CACNA2D1: variants seen among roughly 807,000 people sequenced by gnomAD.
CACNA2D1 encodes voltage-dependent calcium channel subunit alpha-2/delta-1.
A neutral mutation model predicts 171.5 loss-of-function variants in CACNA2D1; 53 were observed. That is an observed-to-expected ratio of 0.31 (90% CI 0.25 to 0.39). The LOEUF is 0.39. CACNA2D1 is among the 10% of genes least tolerant of loss of function. CACNA2D1 has a pLI of 1.00. For missense variants in CACNA2D1, 903 were observed against 1,299.8 expected (o/e 0.69, Z 4.69); for synonymous variants, 442 against 443.1 (o/e 1.00, Z 0.03).
chr7:82,320,234 G>A (rs549207603), intron 3 of CACNA2D1, among the ~76,000 whole-genome samples: 50 of 152,112 alleles, frequency 3.3e-4, no homozygotes, highest in African/African-American at 1.2e-3. Context: ...TTAAAATTAA[G>A]TCCTACTTAC....
intron 3 of CACNA2D1, among the ~76,000 whole-genome samples, chr7:82,315,245 A>C (rs376697710): frequency 1.3e-4 from 20 of 152,236 alleles, no homozygotes; most frequent in African/African-American, 4.1e-4. Flanking sequence ...GTGTAGAGAT[A>C]CAGTGCATCT....
At chr7:82,185,357 G>A (rs901812083) in intron 3 of CACNA2D1, among the ~76,000 whole-genome samples, 4 of 149,818 alleles carry the variant, frequency 2.7e-5, no homozygotes, top group African/African-American at 9.9e-5. Flanking sequence ...TTAGGGCTGT[G>A]TGGCAGAAAG....
rs139982314 is a variant in CACNA2D1, at chr7:82,178,461, T to C, written c.295-7852A>G. On this transcript the variant is annotated intron_variant, in intron 3 of 38. Transcript: ENST00000356860. ...TCCAAATGAATATAATTTGCAGCTC[T>C]ACGTTTTGCCACCTGCAATGAATTA... Among the ~76,000 whole-genome samples the C allele has an allele frequency of 7.4e-3, 1,122 of 152,218 alleles. 12 individuals carry two copies. The highest frequency in any genetic ancestry group is 0.025 in the African/African-American group (1,048 of 41,526).
intron 21 of CACNA2D1, 22 bp from the exon 22 acceptor site, chr7:81,984,733 C>T: frequency 7.8e-7 from 1 of 1,279,986 alleles, no homozygotes; most frequent in South Asian, 1.3e-5. Flanking sequence ...ACAAGAGAAG[C>T]ATAAACACAA....
intron 1 of CACNA2D1, among the ~76,000 whole-genome samples, chr7:82,441,264 A>G (rs953305751): frequency 2.0e-5 from 3 of 152,110 alleles, no homozygotes; most frequent in Admixed American, 2.0e-4. Flanking sequence ...CTCAGAAGAC[A>G]GTGTTACTAA....
At chr7:82,188,683 G>T (rs1475204698) in intron 3 of CACNA2D1, among the ~76,000 whole-genome samples, 2 of 152,186 alleles carry the variant, frequency 1.3e-5, no homozygotes. Flanking sequence ...ATACCCAAAG[G>T]AATAGAAATC....
Position 82,303,032 on chromosome 7 carries a change from C to T in CACNA2D1, c.294+32103G>A, listed in dbSNP as rs183439501. ...TTTTTGAGACAGAGTCTCCCTCTGT[C>T]GCCCAGGCTGGAGTGCAGTGGTGCG... is the stretch of plus-strand genomic sequence containing the variant. On this transcript the variant is annotated intron_variant, in intron 3 of 38. Transcript: ENST00000356860. Among the ~76,000 whole-genome samples the T allele has an allele frequency of 1.2e-4, 18 of 152,026 alleles. No individual in the cohort carries two copies. The East Asian group carries it at 2.2e-3, about 18-fold the overall frequency.
intron 4 of CACNA2D1, among the ~76,000 whole-genome samples, chr7:82,139,211 TACTAG>T (rs1439707289): frequency 6.6e-5 from 10 of 152,214 alleles, no homozygotes; most frequent in Non-Finnish European, 1.3e-4. Context: ...TGGTCCATGG[TACTAG>T]AATTAATGAT....
chr7:82,282,689 T>C (rs1461436921), intron 3 of CACNA2D1, among the ~76,000 whole-genome samples: 2 of 111,874 alleles, frequency 1.8e-5, no homozygotes, highest in East Asian at 2.6e-4. Flanking sequence ...GTTGTGTAAA[T>C]AAAATTGTAA....
intron 16 of CACNA2D1, among the ~76,000 whole-genome samples, chr7:82,006,655 G>A (rs1455910018): frequency 6.6e-6 from 1 of 152,074 alleles, no homozygotes; most frequent in Non-Finnish European, 1.5e-5. Flanking sequence ...ACCAATCCTA[G>A]TCTGAGCAAA....
At chr7:82,004,506 A>G (rs1484973823) in intron 18 of CACNA2D1, among the ~76,000 whole-genome samples, 1 of 151,868 alleles carries the variant, frequency 6.6e-6, no homozygotes, top group African/African-American at 2.4e-5. Context: ...TTCAATATCA[A>G]TAGTTCTCTT....
chr7:81,983,950 G>A (rs1796695456), intron 22 of CACNA2D1, among the ~76,000 whole-genome samples: 1 of 152,102 alleles, frequency 6.6e-6, no homozygotes, highest in African/African-American at 2.4e-5. Context: ...TCGGCAGTGT[G>A]CAAAGGATAT....
At chr7:82,111,168 A>C (rs1224495177) in intron 6 of CACNA2D1, among the ~76,000 whole-genome samples, 1 of 150,896 alleles carries the variant, frequency 6.6e-6, no homozygotes, top group Non-Finnish European at 1.5e-5. Flanking sequence ...ATAAAATTTC[A>C]CTTGATGATT....
intron 3 of CACNA2D1, among the ~76,000 whole-genome samples, chr7:82,291,178 TTCTATATCGATATAGAA>T (rs1319075602): frequency 8.0e-6 from 1 of 124,672 alleles, no homozygotes; most frequent in East Asian, 2.1e-4. Context: ...AGAATTATAA[TTCTATATCGATATAGAA>T]TTCTATATCT....
chr7:82,286,836 G>A (rs906739448), intron 3 of CACNA2D1, among the ~76,000 whole-genome samples: 1 of 152,128 alleles, frequency 6.6e-6, no homozygotes, highest in African/African-American at 2.4e-5. Flanking sequence ...CTATTTAAGT[G>A]TGTGGAGATT....
intron 3 of CACNA2D1, among the ~76,000 whole-genome samples, chr7:82,301,479 T>A (rs1812999613): frequency 6.6e-6 from 1 of 152,068 alleles, no homozygotes; most frequent in African/African-American, 2.4e-5. Context: ...ATTTTTCTCT[T>A]ATAAACTTGA....
intron 10 of CACNA2D1, among the ~76,000 whole-genome samples, chr7:82,055,677 A>G (rs1429014335): frequency 5.5e-5 from 8 of 144,984 alleles, no homozygotes; most frequent in Admixed American, 2.1e-4. Flanking sequence ...AAAACCAAAC[A>G]CTGCATGTTC....
At chr7:82,404,937 T>C (rs980339576) in intron 1 of CACNA2D1, among the ~76,000 whole-genome samples, 4 of 152,234 alleles carry the variant, frequency 2.6e-5, no homozygotes, top group Non-Finnish European at 5.9e-5. Context: ...AGAGTTTGAA[T>C]AGCAGAATCT....
chr7:81,998,990 G>C (rs1220681116), intron 18 of CACNA2D1, among the ~76,000 whole-genome samples: 1 of 151,912 alleles, frequency 6.6e-6, no homozygotes, highest in African/African-American at 2.4e-5. Flanking sequence ...CATCATATCA[G>C]CATTAAAATT....
Sources: gnomAD v4.1 joint callset for allele counts (sites outside exome capture counted in the v4.1 genomes callset) on GRCh38, gnomAD v4.1.1 for gene constraint, MANE v1.5 for transcripts, NCBI Gene and HGNC (gene_info 2026-07-23, HGNC 2026-07-21) for gene names.